The following HEATR4 variants were observed in gnomAD, a reference collection of about 807,000 sequenced individuals.
The protein encoded by HEATR4 is HEAT repeat containing 4.
Under a neutral mutation model 108.8 loss-of-function variants are expected in HEATR4, and 95 were observed. The ratio of observed to expected loss-of-function variants is 0.87; its 90% CI spans 0.74 to 1.04. The LOEUF is 1.04. Ranked by LOEUF, HEATR4 falls within the 50% of genes least tolerant of loss-of-function variation. The probability of loss-of-function intolerance (pLI) is 0.00; values close to 1 mark genes in which losing one functional copy is unlikely to be tolerated. For missense variants in HEATR4, 1,152 were observed against 1,253.8 expected (o/e 0.92, Z 1.23); for synonymous variants, 443 against 459.4 (o/e 0.96, Z 0.46).
chr14:73,579,764 G>A, the HEATR4 span, among the ~76,000 whole-genome samples: 411 of 151,794 alleles, frequency 2.7e-3, 3 homozygotes, highest in African/African-American at 9.6e-3. Context: ...CAATACCCAC[G>A]TCCAATGGGC....
chr14:73,596,361 T>G, the HEATR4 span: 1 of 151,884 alleles, frequency 6.6e-6, no homozygotes, highest in Non-Finnish European at 1.5e-5. Context: ...TAGCCAAACA[T>G]GGTACACACC....
At position 73,523,159 on chromosome 14, in the gene HEATR4, T is replaced by C; in HGVS notation, c.-7A>G. On this transcript the variant is annotated 5_prime_UTR_variant, in exon 3 of 18. Transcript: ENST00000553558. ...CCTTCTGGGTCCTGGTCATACCGCG[T>C]CCCAGCAAATGCTTCCTTCCACACT... is the stretch of plus-strand genomic sequence containing the variant. 1 of 1,567,686 alleles carries C rather than the reference T, an allele frequency of 6.4e-7. No individual in the cohort carries two copies.
At chr14:73,509,540 C>T in intron 7 of HEATR4, 67 bp from the exon 8 acceptor site, 1 of 1,563,632 alleles carries the variant, frequency 6.4e-7, no homozygotes, top group Non-Finnish European at 8.8e-7. Context: ...AGCTTCCTTC[C>T]TACAGCCATG....
the HEATR4 span, among the ~76,000 whole-genome samples, chr14:73,579,453 T>C: frequency 4.8e-4 from 72 of 150,150 alleles, no homozygotes; most frequent in African/African-American, 1.7e-3. Flanking sequence ...TGGGCGCCTG[T>C]AATCCCAGCT....
At chr14:73,527,691 G>A (rs115139918) in intron 2 of HEATR4, among the ~76,000 whole-genome samples, 3,373 of 152,080 alleles carry the variant, frequency 0.022, 42 homozygotes, top group African/African-American at 0.034. Context: ...AAAATACACA[G>A]TCAGGGCCAG....
At chr14:73,567,282 T>C in the HEATR4 span, among the ~76,000 whole-genome samples, 1 of 152,100 alleles carries the variant, frequency 6.6e-6, no homozygotes, top group African/African-American at 2.4e-5. Flanking sequence ...TTAAATTCTC[T>C]GGGCCTTAAT....
At chr14:73,592,432 G>A in the HEATR4 span, 13 of 1,492,330 alleles carry the variant, frequency 8.7e-6, no homozygotes, top group Non-Finnish European at 1.1e-5. Context: ...CCAGGCTGCT[G>A]GCGGGTGGTG....
chr14:73,598,241 A>G, the HEATR4 span, among the ~76,000 whole-genome samples: 45 of 140,962 alleles, frequency 3.2e-4, no homozygotes, highest in Admixed American at 1.1e-3. Flanking sequence ...AAAAAAAAAC[A>G]TAGCCGGGTG....
rs1444853095 is a variant in HEATR4, at chr14:73,551,078, C to T, written c.-152+7673G>A. ...GGTTGAGAGGCTGAGGCAGGAGAATCACTTGAACCTGGGAGGCACAGGTTA... is the reference window on the plus strand; with the variant it reads ...GGTTGAGAGGCTGAGGCAGGAGAATTACTTGAACCTGGGAGGCACAGGTTA... On this transcript the variant is annotated intron_variant, in intron 1 of 17. Coordinates refer to ENST00000553558, the MANE Select transcript of HEATR4 (RefSeq NM_001220484.1). Among the ~76,000 whole-genome samples, 3 of 112,542 alleles carry T rather than the reference C, an allele frequency of 2.7e-5. 1 individual carries two copies. Among genetic ancestry groups the T allele is most frequent in the Non-Finnish European group, 5.8e-5 (3 of 51,728 alleles). 73.8% of individuals were successfully genotyped at this position (112,542 alleles called of 152,430 possible).
chr14:73,592,724 A>G, the HEATR4 span, among the ~76,000 whole-genome samples: 1 of 152,110 alleles, frequency 6.6e-6, no homozygotes, highest in African/African-American at 2.4e-5. Flanking sequence ...CTGGTGGCAC[A>G]CGCCTGTAGT....
chr14:73,623,318 A>G, the HEATR4 span, among the ~76,000 whole-genome samples: 18 of 152,202 alleles, frequency 1.2e-4, no homozygotes, highest in African/African-American at 3.9e-4. Flanking sequence ...AGATAGTCAT[A>G]CTAAGAAACA....
the HEATR4 span, chr14:73,592,251 G>A: frequency 5.6e-6 from 9 of 1,613,212 alleles, no homozygotes; most frequent in African/African-American, 2.7e-5. Flanking sequence ...GAAGCGGGAC[G>A]TACAGATTCC....
At chr14:73,600,943 C>T in the HEATR4 span, among the ~76,000 whole-genome samples, 1 of 151,688 alleles carries the variant, frequency 6.6e-6, no homozygotes, top group Non-Finnish European at 1.5e-5. Flanking sequence ...GAGTTCGAGA[C>T]CAGCCCGGCC....
chr14:73,585,763 A>T, the HEATR4 span, among the ~76,000 whole-genome samples: 1 of 143,080 alleles, frequency 7.0e-6, no homozygotes, highest in Non-Finnish European at 1.5e-5. Context: ...GCTGTGGAGG[A>T]TACACTGGGA....
chr14:73,491,716 G>A, intron 17 of HEATR4: 2 of 1,551,068 alleles, frequency 1.3e-6, no homozygotes, highest in Non-Finnish European at 1.7e-6. Flanking sequence ...TGCGGCGGCA[G>A]GACCACACCT....
intron 12 of HEATR4, among the ~76,000 whole-genome samples, chr14:73,499,653 T>C (rs529317969): frequency 1.1e-4 from 17 of 152,324 alleles, no homozygotes; most frequent in African/African-American, 4.1e-4. Context: ...TTATCTGCTA[T>C]TGATTTTCTC....
chr14:73,569,982 C>T, the HEATR4 span: 8 of 1,450,690 alleles, frequency 5.5e-6, no homozygotes, highest in Non-Finnish European at 7.3e-6. Context: ...CCCCCCGCCG[C>T]GCCCCCGGGC....
chr14:73,630,186 T>A, the HEATR4 span, among the ~76,000 whole-genome samples: 4 of 152,114 alleles, frequency 2.6e-5, no homozygotes, highest in African/African-American at 9.7e-5. Flanking sequence ...CCTTTCTTCA[T>A]GGTCCAGGAC....
intron 5 of HEATR4, 135 bp from the exon 6 acceptor site, chr14:73,514,369 C>G: frequency 1.4e-6 from 1 of 727,160 alleles, no homozygotes; most frequent in Non-Finnish European, 2.3e-6. Flanking sequence ...TGAATTTCCC[C>G]ATGATTATAT....
Sources: gnomAD v4.1 joint callset for allele counts (sites outside exome capture counted in the v4.1 genomes callset) on GRCh38, gnomAD v4.1.1 for gene constraint, MANE v1.5 for transcripts, NCBI Gene and HGNC (gene_info 2026-07-23, HGNC 2026-07-21) for gene names.